The following DDI2 variants were observed in gnomAD, a reference collection of about 807,000 sequenced individuals.
The protein encoded by DDI2 is protein DDI1 homolog 2.
In DDI2, 5 loss-of-function variants were observed where a neutral mutation model predicts 48.1. The ratio of observed to expected loss-of-function variants is 0.10; its 90% CI spans 0.05 to 0.22. DDI2 has a LOEUF of 0.22. DDI2 is among the 10% of genes least tolerant of loss of function. The pLI, the probability that DDI2 is intolerant of heterozygous loss-of-function variation, is 1.00. For synonymous variants in DDI2, 205 were observed against 183.6 expected (o/e 1.12, Z -0.94); for missense variants, 285 against 506.2 (o/e 0.56, Z 4.19).
At chr1:15,621,329 T>G (rs1243901981) in intron 1 of DDI2, among the ~76,000 whole-genome samples, 1 of 152,080 alleles carries the variant, frequency 6.6e-6, no homozygotes, top group African/African-American at 2.4e-5. Context: ...ATAATAGCAG[T>G]AATTGTATGA....
rs868402226 is a variant in DDI2, at chr1:15,652,456, G to A, written c.1183+561G>A. On this transcript the variant is annotated intron_variant, in intron 8 of 9. Transcript: ENST00000480945. ...CACTTTGGGAGGCTCCGGAGGGGGG[G>A]GGGGGGGGGCGGATCACCTGAGGTC... 1.8e-4 allele frequency among the ~76,000 whole-genome samples: 18 copies of A among 99,840 alleles called. 4 individuals are homozygous for A. Among genetic ancestry groups the A allele is most frequent in the African/African-American group, 4.3e-4 (12 of 27,844 alleles). The allele number at this position is 99,840 out of a possible 152,430, so 65.5% of individuals were successfully genotyped here. A position where few individuals can be genotyped will look rare whatever the true frequency, so the allele number is the denominator to read the frequency against.
intron 9 of DDI2, 93 bp downstream of exon 9, chr1:15,656,772 C>G: frequency 1.9e-6 from 3 of 1,560,600 alleles, no homozygotes; most frequent in Non-Finnish European, 2.6e-6. Context: ...TAGCATTTGT[C>G]ATTCACCATT....
chr1:15,624,205 G>A (rs1288563056), intron 1 of DDI2, among the ~76,000 whole-genome samples: 1 of 152,180 alleles, frequency 6.6e-6, no homozygotes. Flanking sequence ...ATGCTATGCT[G>A]TAAGAGCCTG....
At chr1:15,642,107 T>C (rs1372507678) in intron 5 of DDI2, among the ~76,000 whole-genome samples, 1 of 152,156 alleles carries the variant, frequency 6.6e-6, no homozygotes, top group African/African-American at 2.4e-5. Context: ...AATAATCCCA[T>C]TGGCAAACAC....
At chr1:15,627,658 T>C (rs903641713) in intron 2 of DDI2, among the ~76,000 whole-genome samples, 3 of 152,210 alleles carry the variant, frequency 2.0e-5, no homozygotes, top group Non-Finnish European at 2.9e-5. Flanking sequence ...ATCCACAAAA[T>C]GATTATAAGG....
intron 1 of DDI2, 36 bp downstream of exon 1, chr1:15,617,844 T>C (rs1224347814): frequency 6.5e-7 from 1 of 1,535,736 alleles, no homozygotes; most frequent in South Asian, 1.2e-5. Flanking sequence ...GCCCCGGAGC[T>C]AAGCCCTCCC....
intron 1 of DDI2, among the ~76,000 whole-genome samples, chr1:15,625,528 A>C (rs971139147): frequency 2.0e-5 from 3 of 152,142 alleles, no homozygotes; most frequent in Non-Finnish European, 4.4e-5. Flanking sequence ...TTGATTACAC[A>C]TCATAAAATA....
chr1:15,632,935 A>ATTTTT (rs1557614987), intron 3 of DDI2, among the ~76,000 whole-genome samples: 284 of 79,052 alleles, frequency 3.6e-3, no homozygotes, highest in African/African-American at 0.015. Flanking sequence ...TTTTTTTAAA[A>ATTTTT]AAAAAAAAAC....
intron 6 of DDI2, among the ~76,000 whole-genome samples, chr1:15,648,631 G>A (rs181106523): frequency 6.6e-6 from 1 of 152,280 alleles, no homozygotes; most frequent in East Asian, 1.9e-4. Flanking sequence ...TGATCAATGA[G>A]AGGAAGTCTT....
chr1:15,649,637 C>A, intron 6 of DDI2, 83 bp from the exon 7 acceptor site: 1 of 1,418,988 alleles, frequency 7.0e-7, no homozygotes, highest in Non-Finnish European at 9.6e-7. Context: ...TGCCATTGCA[C>A]TCCAGCCTGG....
At chr1:15,622,285 G>A (rs1339634670) in intron 1 of DDI2, among the ~76,000 whole-genome samples, 1 of 149,668 alleles carries the variant, frequency 6.7e-6, no homozygotes, top group Admixed American at 6.7e-5. Flanking sequence ...CTGCCTCCCA[G>A]AGTGTTGGGA....
chr1:15,628,310 C>T (rs1286933179), intron 2 of DDI2, among the ~76,000 whole-genome samples: 1 of 152,144 alleles, frequency 6.6e-6, no homozygotes. Context: ...TTCACCATTT[C>T]CTTGGTTGGG....
intron 9 of DDI2, among the ~76,000 whole-genome samples, chr1:15,657,620 T>G (rs1320538104): frequency 6.6e-6 from 1 of 152,204 alleles, no homozygotes; most frequent in East Asian, 1.9e-4. Flanking sequence ...GTGTTCACCT[T>G]GACCTCACTT....
At chr1:15,631,963 A>C (rs1174015683) in intron 3 of DDI2, among the ~76,000 whole-genome samples, 1 of 151,132 alleles carries the variant, frequency 6.6e-6, no homozygotes, top group Non-Finnish European at 1.5e-5. Context: ...GCACCACCAC[A>C]CCCGGCTAAT....
chr1:15,644,027 T>C (rs886474392), intron 6 of DDI2, among the ~76,000 whole-genome samples: 1 of 152,248 alleles, frequency 6.6e-6, no homozygotes, highest in Non-Finnish European at 1.5e-5. Context: ...TGAATGTGAT[T>C]GCTTTTCTTT....
At chr1:15,637,759 C>T (rs1481261716) in intron 4 of DDI2, among the ~76,000 whole-genome samples, 3 of 152,108 alleles carry the variant, frequency 2.0e-5, no homozygotes, top group Non-Finnish European at 2.9e-5. Flanking sequence ...TTTTTTGTAG[C>T]ATAAGCTGTT....
chr1:15,642,143 T>G (rs981053074), intron 5 of DDI2, among the ~76,000 whole-genome samples: 2 of 152,046 alleles, frequency 1.3e-5, no homozygotes, highest in African/African-American at 4.8e-5. Flanking sequence ...GAGAATTATT[T>G]GGGGAGAAAG....
Position 15,667,480 on chromosome 1 carries a change from CGG to C in DDI2, c.*7691_*7692del, listed in dbSNP as rs1279329893. 3.9e-5 allele frequency: 6 copies of C among 152,222 alleles called. No individual in the cohort carries two copies. Among genetic ancestry groups the C allele is most frequent in the African/African-American group, 1.4e-4 (6 of 41,442 alleles). The allele number at this position is 152,222 out of a possible 1,614,324, so 9.4% of individuals were successfully genotyped here. On this transcript the variant is annotated 3_prime_UTR_variant, in exon 10 of 10. Coordinates refer to ENST00000480945, the MANE Select transcript of DDI2 (RefSeq NM_032341.5). The stretch of plus-strand genomic sequence containing the variant: ...CATCCCTTTGTGAGCACGGCTGCTC[CGG>C]AATACTGACCATCTGGGCTAGCACG...
intron 1 of DDI2, among the ~76,000 whole-genome samples, chr1:15,622,963 T>C (rs1161898760): frequency 6.6e-6 from 1 of 152,160 alleles, no homozygotes; most frequent in Non-Finnish European, 1.5e-5. Context: ...TTCCAGGAAA[T>C]TGGCGCTGAA....
Sources: gnomAD v4.1 joint callset for allele counts (sites outside exome capture counted in the v4.1 genomes callset) on GRCh38, gnomAD v4.1.1 for gene constraint, MANE v1.5 for transcripts, NCBI Gene and HGNC (gene_info 2026-07-23, HGNC 2026-07-21) for gene names.